GSE1: variants seen among roughly 807,000 people sequenced by gnomAD.
GSE1 encodes the protein genetic suppressor element 1.
In GSE1, 32 loss-of-function variants were observed where a neutral mutation model predicts 112.6. The observed-to-expected ratio is 0.28, with a 90% CI of 0.21 to 0.38. GSE1 has a LOEUF of 0.38. GSE1 is among the 10% of genes least tolerant of loss of function. GSE1 has a pLI of 1.00. For synonymous variants in GSE1, 1,115 were observed against 735.6 expected (o/e 1.52, Z -8.35); for missense variants, 2,348 against 1,699.2 (o/e 1.38, Z -6.71).
chr16:85,339,013 C>T (rs1368839038), intron 1 of GSE1, among the ~76,000 whole-genome samples: 2 of 151,982 alleles, frequency 1.3e-5, no homozygotes, highest in African/African-American at 2.4e-5. Flanking sequence ...TGGGTGGACT[C>T]GCAGCTGGGC....
chr16:85,424,756 C>T (rs536382221), intron 2 of GSE1, among the ~76,000 whole-genome samples: 12 of 152,388 alleles, frequency 7.9e-5, no homozygotes, highest in African/African-American at 2.9e-4. Context: ...TCGCCAGATG[C>T]TCTGCGCCAT....
At chr16:85,455,919 C>T (rs1021089093) in intron 2 of GSE1, among the ~76,000 whole-genome samples, 46 of 152,260 alleles carry the variant, frequency 3.0e-4, no homozygotes, top group Admixed American at 1.9e-3. Context: ...CCTCTGGGGT[C>T]AGGCCCCGCT....
Position 85,470,595 on chromosome 16 carries a change from TG to T in GSE1, c.2464+112953del, listed in dbSNP as rs2050262512. Among the ~76,000 whole-genome samples, 9 of 152,288 alleles carry T rather than the reference TG, an allele frequency of 5.9e-5. No homozygotes were observed. In the South Asian group the frequency reaches 1.9e-3, roughly 32 times the overall value. ...GGGCCAGATTCCTTCCCAATGCAATTGCTCTGCACCTCAAGGGAGCTTGGGG... is the reference window on the plus strand; with the variant it reads ...GGGCCAGATTCCTTCCCAATGCAATTCTCTGCACCTCAAGGGAGCTTGGGG... On this transcript the variant is annotated intron_variant, in intron 2 of 2. Coordinates refer to the GSE1 transcript ENST00000637419.
At chr16:85,347,666 C>T (rs1210396858) in intron 1 of GSE1, among the ~76,000 whole-genome samples, 2 of 150,240 alleles carry the variant, frequency 1.3e-5, no homozygotes, top group African/African-American at 4.9e-5. Flanking sequence ...TATAATGGGA[C>T]ACACAGTTCC....
In GSE1 at chr16:85,668,307, G is replaced by C. The variant is rs1286784158; in HGVS notation, c.3298G>C (p.Asp1100His). Residue 1100 changes from aspartate to histidine, a missense_variant, in exon 14 of 16, where the codon GAC (aspartate) becomes CAC (histidine). Physicochemically the swap from Asp to His is moderately conservative, Grantham distance 81. Coordinates refer to ENST00000253458, the MANE Select transcript of GSE1 (RefSeq NM_014615.5). Reference protein sequence around the residue: ...KGPPTQELDRDSEEEEEEDDE... With the variant: ...KGPPTQELDRHSEEEEEEDDE... ...CCCCCCAACCCAGGAGTTGGACCGG[G>C]ACTCGGAGGAGGAGGAAGAGGAGGA... The C allele has an allele frequency of 6.2e-7, 1 of 1,613,074 alleles. No homozygotes were observed. The highest frequency in any genetic ancestry group is 1.3e-5 in the African/African-American group (1 of 74,898).
chr16:85,331,240 C>G (rs1414984210), intron 1 of GSE1, among the ~76,000 whole-genome samples: 1 of 150,328 alleles, frequency 6.7e-6, no homozygotes, highest in Non-Finnish European at 1.5e-5. Flanking sequence ...GCAACCTCCA[C>G]CTCCCGAGTT....
chr16:85,648,109 A>G (rs1447677884), intron 2 of GSE1, among the ~76,000 whole-genome samples: 7 of 151,520 alleles, frequency 4.6e-5, no homozygotes. Flanking sequence ...TGGGATGTCC[A>G]CAGGCCCTTG....
chr16:85,560,975 A>T (rs962399881), intron 1 of GSE1, among the ~76,000 whole-genome samples: 2 of 152,074 alleles, frequency 1.3e-5, no homozygotes, highest in African/African-American at 4.8e-5. Context: ...CAAAAAATGC[A>T]GAAACAATTA....
At chr16:85,557,147 A>G (rs1440443859) in intron 1 of GSE1, among the ~76,000 whole-genome samples, 1 of 152,150 alleles carries the variant, frequency 6.6e-6, no homozygotes, top group African/African-American at 2.4e-5. Context: ...CTGGTGATCC[A>G]GGAATTCAGG....
chr16:85,313,119 G>A (rs536649758), intron 1 of GSE1, among the ~76,000 whole-genome samples: 213 of 152,308 alleles, frequency 1.4e-3, no homozygotes, highest in Admixed American at 4.2e-3. Flanking sequence ...AGCCTGTGGG[G>A]CCTCCCAGGG....
At chr16:85,647,978 G>A (rs965615784) in intron 2 of GSE1, among the ~76,000 whole-genome samples, 1 of 151,878 alleles carries the variant, frequency 6.6e-6, no homozygotes, top group African/African-American at 2.4e-5. Context: ...GCCTTTTCCT[G>A]TGACCCCCCA....
At chr16:85,537,611 C>T (rs1263147914) in intron 2 of GSE1, among the ~76,000 whole-genome samples, 1 of 152,192 alleles carries the variant, frequency 6.6e-6, no homozygotes, top group Non-Finnish European at 1.5e-5. Flanking sequence ...GGCCACAGTC[C>T]CCATGTGGAT....
chr16:85,169,586 G>A, exon 1 of GSE1: 1 of 981,614 alleles, frequency 1.0e-6, no homozygotes, highest in Non-Finnish European at 1.2e-6. Context: ...GTGGGCGAGC[G>A]GGCTGCGGGC....
In GSE1 at chr16:85,633,840, C is replaced by T. The variant is rs539943361; in HGVS notation, c.8-74C>T. ...CCCTGCCTGCTGCTGCTGACACCGGCCCTGCCGACCCTGCTCTGGTGCTGG... is the reference window on the plus strand; with the variant it reads ...CCCTGCCTGCTGCTGCTGACACCGGTCCTGCCGACCCTGCTCTGGTGCTGG... On this transcript the variant is annotated intron_variant, in intron 1 of 15. Transcript: ENST00000253458. 408 of 1,186,034 alleles carry T rather than the reference C, an allele frequency of 3.4e-4. 5 individuals carry two copies. In the South Asian group the frequency reaches 5.0e-3, roughly 14 times the overall value. The allele number at this position is 1,186,034 out of a possible 1,614,324, so 73.5% of individuals were successfully genotyped here. A position where few individuals can be genotyped will look rare whatever the true frequency, so the allele number is the denominator to read the frequency against.
intron 1 of GSE1, among the ~76,000 whole-genome samples, chr16:85,214,693 C>T (rs543418551): frequency 4.6e-5 from 7 of 152,326 alleles, no homozygotes; most frequent in South Asian, 2.1e-4. Context: ...TCTGTGGCCC[C>T]GCCCGGTCCC....
chr16:85,602,072 C>G (rs2047490344), intron 1 of GSE1, among the ~76,000 whole-genome samples: 1 of 152,142 alleles, frequency 6.6e-6, no homozygotes, highest in Admixed American at 6.5e-5. Context: ...TGGTTCAGAT[C>G]CCAGCCCCAC....
At position 85,299,480 on chromosome 16, in the gene GSE1, G is replaced by C. The variant is rs548048106; in HGVS notation, c.2284-57983G>C. ...GCCCACTTCTGCCAGTGACCTGCCT[G>C]AGGTCGGAGGGAGCGTATCCCTAGC... On this transcript the variant is annotated intron_variant, in intron 1 of 2. Transcript: ENST00000637419. Among the ~76,000 whole-genome samples the C allele has an allele frequency of 4.6e-5, 7 of 152,384 alleles. No individual in the cohort carries two copies. In the South Asian group the frequency reaches 1.4e-3, roughly 32 times the overall value.
At chr16:85,657,645 G>C (rs376606830) in intron 8 of GSE1, 41 bp downstream of exon 8, 12 of 1,355,282 alleles carry the variant, frequency 8.9e-6, no homozygotes, top group Admixed American at 5.6e-5. Context: ...GAGCCTTCAC[G>C]TTCCGATTTG....
intron 13 of GSE1, among the ~76,000 whole-genome samples, chr16:85,667,140 A>C (rs1338497903): frequency 6.6e-6 from 1 of 151,556 alleles, no homozygotes; most frequent in Non-Finnish European, 1.5e-5. Context: ...AGTGCTACTG[A>C]GATGCCTTTC....
Sources: gnomAD v4.1 joint callset for allele counts (sites outside exome capture counted in the v4.1 genomes callset) on GRCh38, gnomAD v4.1.1 for gene constraint, MANE v1.5 for transcripts, NCBI Gene and HGNC (gene_info 2026-07-23, HGNC 2026-07-21) for gene names.